Variants in TMEM114 observed in about 807,000 individuals in gnomAD.
TMEM114 encodes the protein claudin-26.
A neutral mutation model predicts 6.2 loss-of-function variants in TMEM114; 6 were observed. The observed-to-expected ratio is 0.97, with a 90% CI of 0.53 to 1.91. The LOEUF is 1.91. TMEM114 is among the 40% of genes most tolerant of loss of function. The probability of loss-of-function intolerance (pLI) is 0.01; values close to 1 mark genes in which losing one functional copy is unlikely to be tolerated. For synonymous variants in TMEM114, 104 were observed against 73.0 expected (o/e 1.42, Z -2.16); for missense variants, 218 against 158.3 (o/e 1.38, Z -2.02).
Position 8,563,049 on chromosome 16 carries a change from TTGAGTGAATGAGTAAG to T in TMEM114, n.213-25239_213-25224del, listed in dbSNP as rs1901332223. 6.6e-5 allele frequency among the ~76,000 whole-genome samples: 5 copies of T among 75,404 alleles called. No homozygotes were observed. The South Asian group carries it at 2.0e-3, about 30-fold the overall frequency. The allele number at this position is 75,404 out of a possible 152,430, so 49.5% of individuals were successfully genotyped here. ...GGGAATGAGTGAGTGAATGAGTAAA[TTGAGTGAATGAGTAAG>T]TGAATGAGTAAGTGAATGAGTGAGT... is the stretch of plus-strand genomic sequence containing the variant. On this transcript the variant is annotated intron_variant and non_coding_transcript_variant, in intron 2 of 2. Coordinates refer to the TMEM114 transcript ENST00000623677.
At position 8,570,157 on chromosome 16, in the gene TMEM114, G is replaced by A. The variant is rs147004072; in HGVS notation, c.440-152C>T. 4.9e-4 allele frequency among the ~76,000 whole-genome samples: 74 copies of A among 152,194 alleles called. 1 individual carries two copies. The highest frequency in any genetic ancestry group is 1.8e-3 in the African/African-American group (74 of 41,536). ...CTTTGCGCGTGCTAGTCTCCCCGCT[G>A]GGTGCATTCACCCCTGCTTCTCTGC... On this transcript the variant is annotated intron_variant, in intron 3 of 3. Transcript: ENST00000620492.
At chr16:8,568,452 GTGA>G (rs545706943), downstream of TMEM114, among the ~76,000 whole-genome samples, 15 of 151,658 alleles carry the variant, frequency 9.9e-5, 1 homozygote, top group South Asian at 2.7e-3. Flanking sequence ...TGGCATGGTG[GTGA>G]TGATGTCATG....
chr16:8,562,712 G>C (rs571824042), intron 2 of TMEM114, among the ~76,000 whole-genome samples: 5 of 151,638 alleles, frequency 3.3e-5, no homozygotes, highest in South Asian at 4.2e-4. Context: ...GAGTAAATGA[G>C]TGAGTGAGGG....
intron 2 of TMEM114, among the ~76,000 whole-genome samples, chr16:8,541,253 C>T (rs531857711): frequency 1.3e-5 from 2 of 152,136 alleles, no homozygotes; most frequent in Admixed American, 6.5e-5. Flanking sequence ...CTACCAAGGA[C>T]GTGAACCACT....
the TMEM114 span, among the ~76,000 whole-genome samples, chr16:8,531,545 T>G: frequency 2.8e-4 from 43 of 152,262 alleles, no homozygotes; most frequent in Non-Finnish European, 5.3e-4. Flanking sequence ...ATAGCAGAGG[T>G]AGAAGGGCCT....
chr16:8,576,757 AGGAAGGAAGGAAATTGAGCATTT>A, intron 2 of TMEM114, among the ~76,000 whole-genome samples: 1 of 141,460 alleles, frequency 7.1e-6, no homozygotes, highest in African/African-American at 2.8e-5. Context: ...GAAGGAAGGA[AGGAAGGAAGGAAATTGAGCATTT>A]ACTGAGCATC....
intron 2 of TMEM114, among the ~76,000 whole-genome samples, chr16:8,540,677 G>A (rs114948672): frequency 6.6e-6 from 1 of 152,310 alleles, no homozygotes; most frequent in African/African-American, 2.4e-5. Flanking sequence ...CATTCCACTA[G>A]GTACTGGGAA....
chr16:8,553,993 G>C (rs4787256), intron 2 of TMEM114, among the ~76,000 whole-genome samples: 67,632 of 151,432 alleles, frequency 0.45, 15,842 homozygotes, highest in African/African-American at 0.57. Flanking sequence ...ATTCTCATGT[G>C]TCAGCCGCCT....
chr16:8,533,716 G>C (rs1900280956), downstream of TMEM114, among the ~76,000 whole-genome samples: 1 of 152,160 alleles, frequency 6.6e-6, no homozygotes, highest in Non-Finnish European at 1.5e-5. Context: ...ATGAACTATT[G>C]ACTTGTTACC....
chr16:8,530,436 C>T, the TMEM114 span, among the ~76,000 whole-genome samples: 2 of 152,158 alleles, frequency 1.3e-5, no homozygotes, highest in African/African-American at 4.8e-5. Context: ...TTTCAGCTCC[C>T]ATAATCTAAT....
At chr16:8,552,556 C>T (rs1461640396) in intron 2 of TMEM114, among the ~76,000 whole-genome samples, 7 of 152,026 alleles carry the variant, frequency 4.6e-5, no homozygotes, top group Non-Finnish European at 1.0e-4. Flanking sequence ...GTTTAACTAA[C>T]AGTATTGCAA....
rs150935470 is a variant in TMEM114 at position 8,558,029 on chromosome 16, G to A, written n.213-20203C>T. On this transcript the variant is annotated intron_variant and non_coding_transcript_variant, in intron 2 of 2. Transcript: ENST00000623677. ...AGCACTTTGGGAGGCTAAGGCAGGC[G>A]GATCACCTGATGTCAGGAGCTCGAC... Among the ~76,000 whole-genome samples, 268 of 152,178 alleles carry A rather than the reference G, an allele frequency of 1.8e-3. 2 individuals are homozygous for A. The highest frequency in any genetic ancestry group is 6.2e-3 in the African/African-American group (257 of 41,490).
At chr16:8,577,718 G>GGA (rs1345162231) in intron 2 of TMEM114, among the ~76,000 whole-genome samples, 1 of 151,880 alleles carries the variant, frequency 6.6e-6, no homozygotes, top group African/African-American at 2.4e-5. Flanking sequence ...TGAGGAGCTG[G>GGA]GACTATAGGC....
intron 2 of TMEM114, among the ~76,000 whole-genome samples, chr16:8,547,396 CTTT>C (rs748623573): frequency 2.7e-5 from 2 of 74,332 alleles, no homozygotes; most frequent in East Asian, 4.0e-4. Context: ...TTCTTTCTTT[CTTT>C]TTTTTTTTTT....
chr16:8,556,769 C>T (rs542995804), intron 2 of TMEM114, among the ~76,000 whole-genome samples: 2 of 152,310 alleles, frequency 1.3e-5, no homozygotes, highest in South Asian at 2.1e-4. Context: ...TCCCAAAGTG[C>T]CAGGATTATA....
chr16:8,529,320 G>T, the TMEM114 span, among the ~76,000 whole-genome samples: 2 of 152,328 alleles, frequency 1.3e-5, no homozygotes, highest in East Asian at 3.9e-4. Flanking sequence ...ACTCCCCAAA[G>T]CCATCTGAGA....
chr16:8,539,273 G>T (rs1900451373), intron 2 of TMEM114, among the ~76,000 whole-genome samples: 1 of 152,122 alleles, frequency 6.6e-6, no homozygotes, highest in Admixed American at 6.6e-5. Context: ...GATGTGATCT[G>T]GAAGACACAA....
chr16:8,580,940 C>CTCAAGTGAT (rs1902126955), intron 2 of TMEM114, among the ~76,000 whole-genome samples: 1 of 152,204 alleles, frequency 6.6e-6, no homozygotes, highest in Non-Finnish European at 1.5e-5. Flanking sequence ...GATCCACCTG[C>CTCAAGTGAT]CTCGGCCTCC....
the TMEM114 span, among the ~76,000 whole-genome samples, chr16:8,530,724 G>T: frequency 1.8e-3 from 273 of 151,862 alleles, no homozygotes; most frequent in African/African-American, 6.1e-3. Context: ...TGGGGAGGAA[G>T]TTTGGAAAAG....
Sources: allele counts gnomAD v4.1 joint callset (sites outside exome capture counted in the v4.1 genomes callset), GRCh38; gene constraint gnomAD v4.1.1; transcripts MANE v1.5; gene names NCBI Gene and HGNC (gene_info 2026-07-23, HGNC 2026-07-21).